RAPGEF2: variants seen among roughly 807,000 people sequenced by gnomAD.
RAPGEF2 encodes the protein PDZ domain containing guanine nucleotide exchange factor (GEF) 1.
RAPGEF2 carries 54 observed loss-of-function variants against 186.7 expected under a neutral mutation model. The ratio of observed to expected loss-of-function variants is 0.29; its 90% CI spans 0.23 to 0.36. The LOEUF is 0.36. RAPGEF2 is among the 10% of genes least tolerant of loss of function. The pLI is 1.00. For synonymous variants in RAPGEF2, 712 were observed against 705.9 expected (o/e 1.01, Z -0.14); for missense variants, 1,532 against 2,045.0 (o/e 0.75, Z 4.84).
At chr4:159,185,169 A>G (rs1255219191) in intron 1 of RAPGEF2, among the ~76,000 whole-genome samples, 1 of 152,196 alleles carries the variant, frequency 6.6e-6, no homozygotes, top group African/African-American at 2.4e-5. Context: ...GACAGTAACA[A>G]GCTTTGGTAA....
intron 1 of RAPGEF2, among the ~76,000 whole-genome samples, chr4:159,171,913 A>G (rs2111250134): frequency 6.6e-6 from 1 of 152,244 alleles, no homozygotes. Flanking sequence ...ACTACCGTTC[A>G]AGAGTTACAG....
chr4:159,172,141 C>G (rs1297196726), intron 1 of RAPGEF2, among the ~76,000 whole-genome samples: 1 of 152,188 alleles, frequency 6.6e-6, no homozygotes, highest in East Asian at 1.9e-4. Flanking sequence ...TTGCCACACA[C>G]TAGTGAGAAT....
At chr4:159,158,950 C>T (rs1191338085) in intron 1 of RAPGEF2, among the ~76,000 whole-genome samples, 2 of 152,054 alleles carry the variant, frequency 1.3e-5, no homozygotes, top group South Asian at 2.1e-4. Flanking sequence ...TAAGGGCTAG[C>T]GTTTAAGTGT....
chr4:159,325,952 A>G (rs537539236), intron 11 of RAPGEF2, among the ~76,000 whole-genome samples: 44 of 152,316 alleles, frequency 2.9e-4, no homozygotes, highest in African/African-American at 1.0e-3. Flanking sequence ...AGACTCCTAT[A>G]TAGCTCCTAG....
At chr4:159,318,143 A>G (rs1764823665) in intron 9 of RAPGEF2, among the ~76,000 whole-genome samples, 2 of 152,310 alleles carry the variant, frequency 1.3e-5, no homozygotes, top group South Asian at 4.1e-4. Context: ...AATGACAATT[A>G]TCATGTTTGC....
Position 159,345,095 on chromosome 4 carries a change from T to C in RAPGEF2, c.3279-11T>C. ...TAGAGTGAGCTGCATATGTACCTTTTCATCTTCCAGGTCTCTCAGCCAGGG... is the reference window on the plus strand; with the variant it reads ...TAGAGTGAGCTGCATATGTACCTTTCCATCTTCCAGGTCTCTCAGCCAGGG... On this transcript the variant is annotated splice_polypyrimidine_tract_variant and intron_variant, in intron 23 of 29. Coordinates refer to ENST00000691494, the MANE Select transcript of RAPGEF2 (RefSeq NM_001394067.2). 6.2e-7 allele frequency: 1 copy of C among 1,607,924 alleles called. No homozygotes were observed. Among genetic ancestry groups the C allele is most frequent in the Non-Finnish European group, 8.5e-7 (1 of 1,174,530 alleles).
At chr4:159,242,432 A>G (rs1217627337) in intron 6 of RAPGEF2, among the ~76,000 whole-genome samples, 4 of 151,866 alleles carry the variant, frequency 2.6e-5, no homozygotes, top group East Asian at 1.9e-4. Flanking sequence ...TATTTACTCA[A>G]TTTTTAGTAA....
intron 1 of RAPGEF2, among the ~76,000 whole-genome samples, chr4:159,166,016 G>C (rs1745273225): frequency 6.6e-6 from 1 of 152,250 alleles, no homozygotes; most frequent in East Asian, 1.9e-4. Context: ...GTGGATTAGT[G>C]CTCCAAAGAT....
chr4:159,277,286 G>A (rs1055232100), intron 7 of RAPGEF2, among the ~76,000 whole-genome samples: 3 of 152,124 alleles, frequency 2.0e-5, no homozygotes, highest in African/African-American at 7.2e-5. Context: ...GTATTCCATG[G>A]TGTATATGTG....
intron 7 of RAPGEF2, among the ~76,000 whole-genome samples, chr4:159,247,980 G>A (rs1039671050): frequency 2.0e-5 from 3 of 151,796 alleles, no homozygotes; most frequent in African/African-American, 4.8e-5. Context: ...CAGGCTGGTC[G>A]CGAACTCCCA....
At chr4:159,254,275 C>T (rs1378232743) in intron 7 of RAPGEF2, among the ~76,000 whole-genome samples, 2 of 152,134 alleles carry the variant, frequency 1.3e-5, no homozygotes, top group African/African-American at 4.8e-5. Context: ...TATCCTAAGA[C>T]ATCAGTTAGG....
rs753777550 is a variant in RAPGEF2, at chr4:159,241,220, A to G, written c.377A>G (p.Asn126Ser). ...EMIVVDYMDENEEYFQRQASH... is the reference protein window; with the variant it reads ...EMIVVDYMDESEEYFQRQASH... Reference sequence around the variant, plus strand: ...TTTCAGGTGGACTATATGGATGAAAATGAAGAATATTTTCAGCGGCAAGCT... The same window carrying G: ...TTTCAGGTGGACTATATGGATGAAAGTGAAGAATATTTTCAGCGGCAAGCT... The change falls in exon 6 of 30, where the codon AAT becomes AGT. Residue 126 changes from asparagine to serine, a missense_variant. Asn to Ser is a conservative substitution (Grantham distance 46). This residue lies in a region of RAPGEF2 where 810 missense variants were observed against 1,210.5 expected (regional missense o/e 0.67). Transcript: ENST00000691494. The G allele has an allele frequency of 6.5e-7, 1 of 1,527,426 alleles. No individual in the cohort carries two copies. 94.6% of individuals were successfully genotyped at this position (1,527,426 alleles called of 1,614,324 possible). A position where few individuals can be genotyped will look rare whatever the true frequency, so the allele number is the denominator to read the frequency against.
At chr4:159,193,316 G>A in intron 3 of RAPGEF2, 60 bp downstream of exon 3, 2 of 1,091,964 alleles carry the variant, frequency 1.8e-6, no homozygotes, top group South Asian at 2.1e-5. Context: ...TTTTCTTAAA[G>A]TATCAAAGGA....
chr4:159,109,828 A>C (rs1738297267), intron 1 of RAPGEF2, among the ~76,000 whole-genome samples: 1 of 152,212 alleles, frequency 6.6e-6, no homozygotes. Context: ...GTAAGACAAC[A>C]TGTGCAGCTC....
At chr4:159,330,302 T>C in intron 12 of RAPGEF2, 32 bp from the exon 13 acceptor site, 1 of 1,267,378 alleles carries the variant, frequency 7.9e-7, no homozygotes, top group East Asian at 2.3e-5. Context: ...TGTGTATATA[T>C]ATGTAGTAAT....
In RAPGEF2 at chr4:159,103,392, G is replaced by C; in HGVS notation, c.-771G>C. On this transcript the variant is annotated 5_prime_UTR_variant, in exon 1 of 30. Transcript: ENST00000691494. Reference sequence around the variant, plus strand: ...TCCGCTCCGGGCGCGCTGATGGGGGGAGGCGGCGGCGGCGGAGCCCACAGC... The same window carrying C: ...TCCGCTCCGGGCGCGCTGATGGGGGCAGGCGGCGGCGGCGGAGCCCACAGC... 6.5e-6 allele frequency: 1 copy of C among 154,396 alleles called. No homozygotes were observed. The highest frequency in any genetic ancestry group is 1.8e-4 in the South Asian group (1 of 5,710). The allele number at this position is 154,396 out of a possible 1,614,324, so 9.6% of individuals were successfully genotyped here.
At chr4:159,233,943 G>A (rs1204218348) in intron 4 of RAPGEF2, among the ~76,000 whole-genome samples, 2 of 134,370 alleles carry the variant, frequency 1.5e-5, no homozygotes, top group African/African-American at 5.0e-5. Context: ...AAATTGGGAA[G>A]CGTGAGTCCT....
At chr4:159,291,776 T>C (rs1761248874) in intron 7 of RAPGEF2, among the ~76,000 whole-genome samples, 1 of 142,530 alleles carries the variant, frequency 7.0e-6, no homozygotes, top group Non-Finnish European at 1.5e-5. Context: ...AGACAAGCTT[T>C]AGTGCTGTTG....
chr4:159,248,483 C>G (rs1176950759), intron 7 of RAPGEF2, among the ~76,000 whole-genome samples: 2 of 152,108 alleles, frequency 1.3e-5, no homozygotes, highest in Non-Finnish European at 2.9e-5. Flanking sequence ...CCTCTTTACC[C>G]TAAATTATGT....
Sources: gnomAD v4.1 joint callset for allele counts (sites outside exome capture counted in the v4.1 genomes callset) on GRCh38, gnomAD v4.1.1 for gene constraint, gnomAD v4.1.1 regional missense constraint, MANE v1.5 for transcripts, NCBI Gene and HGNC (gene_info 2026-07-23, HGNC 2026-07-21) for gene names.